SZT2: variants seen among roughly 807,000 people sequenced by gnomAD.
The protein encoded by SZT2 is SZT2 subunit of KICSTOR complex, also known as KICSTOR complex protein SZT2.
SZT2 carries 216 observed loss-of-function variants against 404.2 expected under a neutral mutation model. That is an observed-to-expected ratio of 0.53 (90% confidence interval 0.48 to 0.60). The LOEUF (loss-of-function observed/expected upper bound fraction) is 0.60, where lower values mean the gene tolerates loss of function less well. Among genes scored for constraint, SZT2 ranks in the 20% least tolerant of loss-of-function variants. SZT2 has a pLI of 0.00. For synonymous variants in SZT2, 1,693 were observed against 1,749.9 expected (o/e 0.97, Z 0.81); for missense variants, 3,857 against 4,459.2 (o/e 0.86, Z 3.85).
Position 43,437,877 on chromosome 1 carries a change from G to A in SZT2, c.6483G>A (p.Leu2161=). 6.2e-7 allele frequency: 1 copy of A among 1,614,210 alleles called. No individual in the cohort carries two copies. Among genetic ancestry groups the A allele is most frequent in the Non-Finnish European group, 8.5e-7 (1 of 1,180,038 alleles). ...PVGQVDRHIQ[L]LVHGVGQAGP... ...GCCAAGTGGACAGACATATCCAGCT[G>A]CTGGTCCATGGTGTTGGGCAGGCAG... Residue 2161 remains leucine (L), a synonymous_variant, in exon 46 of 72, where the codon CTG becomes CTA. Coordinates refer to ENST00000634258, the MANE Select transcript of SZT2 (RefSeq NM_001365999.1). The surrounding 1 kb of genome is among the most constrained non-coding windows in gnomAD (Gnocchi z 5.3).
Position 43,426,003 on chromosome 1 carries a change from G to A in SZT2, c.2930-35G>A, listed in dbSNP as rs374341643. ...AGCAGGGGAGTGGGTAGGGTAATCT[G>A]CGTCTCACTGTGTCCTGTCCTTCCT... On this transcript the variant is annotated intron_variant, in intron 20 of 71. Transcript: ENST00000634258. The surrounding 1 kb of genome is among the most constrained non-coding windows in gnomAD (Gnocchi z 4.9). 3 of 1,613,290 alleles carry A rather than the reference G, an allele frequency of 1.9e-6. No homozygotes were observed. Among genetic ancestry groups the A allele is most frequent in the African/African-American group, 2.7e-5 (2 of 74,896 alleles).
Position 43,427,290 on chromosome 1 carries a change from G to A in SZT2, c.3443G>A (p.Arg1148His), listed in dbSNP as rs142611359. 105 of 1,609,968 alleles carry A rather than the reference G, an allele frequency of 6.5e-5. No homozygotes were observed. The highest frequency in any genetic ancestry group is 3.3e-4 in the African/African-American group (25 of 74,884). The change falls in exon 25 of 72, where the codon CGT becomes CAT. Residue 1148 changes from arginine to histidine, a missense_variant. This residue lies in a region of SZT2 where 1,725 missense variants were observed against 1,881.0 expected (regional missense o/e 0.92). Coordinates refer to ENST00000634258, the MANE Select transcript of SZT2 (RefSeq NM_001365999.1). Reference protein sequence around the residue: ...FLPATFSDVQRLAACGLEGPP... With the variant: ...FLPATFSDVQHLAACGLEGPP... Reference sequence around the variant, plus strand: ...GTCTGATCCTCTTCAGATGTCCAGCGTCTGGCTGCCTGTGGCCTGGAGGGA... The same window carrying A: ...GTCTGATCCTCTTCAGATGTCCAGCATCTGGCTGCCTGTGGCCTGGAGGGA...
At chr1:43,447,480 C>A in intron 66 of SZT2, 65 bp from the exon 67 acceptor site, 1 of 1,570,338 alleles carries the variant, frequency 6.4e-7, no homozygotes, top group Non-Finnish European at 8.7e-7. Flanking sequence ...CATCCCTGTG[C>A]CCCACCAGAC....
In SZT2 at chr1:43,404,505, A is replaced by G; in HGVS notation, c.453A>G (p.Val151=). ...SCIDFQPEIY[V]TIQAYSSIIG... Reference sequence around the variant, plus strand: ...TCGACTTCCAGCCTGAGATCTATGTAACTATCCAGGCCTACTCCTCCATCA... The same window carrying G: ...TCGACTTCCAGCCTGAGATCTATGTGACTATCCAGGCCTACTCCTCCATCA... Residue 151 remains valine, a synonymous_variant, in exon 4 of 72, where the codon GTA becomes GTG. Transcript: ENST00000634258. 1 of 1,613,948 alleles carries G rather than the reference A, an allele frequency of 6.2e-7. No homozygotes were observed. Among genetic ancestry groups the G allele is most frequent in the Non-Finnish European group, 8.5e-7 (1 of 1,180,006 alleles).
rs776182115 is a variant in SZT2 at position 43,442,053 on chromosome 1, C to G, written c.7796C>G (p.Ser2599Cys). Reference protein sequence around the residue: ...GPCSPGQLGPSPRPAAERHLL... With the variant: ...GPCSPGQLGPCPRPAAERHLL... ...TGTTCCCCTGGGCAACTGGGCCCCTCTCCCCGCCCTGCAGCTGAGCGGCAT... is the reference window on the plus strand; with the variant it reads ...TGTTCCCCTGGGCAACTGGGCCCCTGTCCCCGCCCTGCAGCTGAGCGGCAT... The change falls in exon 56 of 72, where the codon TCT becomes TGT. Residue 2599 changes from serine (S) to cysteine (C), a missense_variant. Ser to Cys is a moderately radical substitution (Grantham distance 112). Coordinates refer to ENST00000634258, the MANE Select transcript of SZT2 (RefSeq NM_001365999.1). The surrounding 1 kb of genome is among the most constrained non-coding windows in gnomAD (Gnocchi z 4.5). 6 of 1,614,016 alleles carry G rather than the reference C, an allele frequency of 3.7e-6. No homozygotes were observed. In the African/African-American group the frequency reaches 5.3e-5, roughly 14 times the overall value.
rs756001755 is a variant in SZT2 at position 43,443,783 on chromosome 1, T to A, written c.8812T>A (p.Ser2938Thr). The A allele has an allele frequency of 1.2e-6, 2 of 1,613,572 alleles. No individual in the cohort carries two copies. The highest frequency in any genetic ancestry group is 3.3e-5 in the Admixed American group (2 of 60,018). ...TGTGCTGGTACCACTGCGGCCCCCC[T>A]CACCCGCCCGCAGGTGAGCCCGTCC... ...GFVLVPLRPPSPARSTSRPRA... is the reference protein window; with the variant it reads ...GFVLVPLRPPTPARSTSRPRA... Residue 2938 changes from serine (S) to threonine (T), a missense_variant, in exon 62 of 72, where the codon TCA becomes ACA. Ser to Thr is a moderately conservative substitution (Grantham distance 58). This residue lies in a region of SZT2 where 717 missense variants were observed against 868.2 expected (regional missense o/e 0.83). Transcript: ENST00000634258.
At chr1:43,438,605 C>T in intron 46 of SZT2, 94 bp from the exon 47 acceptor site, 1 of 1,191,262 alleles carries the variant, frequency 8.4e-7, no homozygotes, top group Non-Finnish European at 1.2e-6. Context: ...CTCTAGTATA[C>T]AGGGGATTCT....
chr1:43,452,552 T>C lies in SZT2; in HGVS notation c.*2072T>C. On this transcript the variant is annotated 3_prime_UTR_variant, in exon 72 of 72. Coordinates refer to ENST00000634258, the MANE Select transcript of SZT2 (RefSeq NM_001365999.1). ...CCACCGCCTCCTGCCTCCAGTACTT[T>C]CCAAAACCTTTCCTTCCCTCGGTCC... The C allele has an allele frequency of 1.6e-6, 1 of 629,172 alleles. No homozygotes were observed. Among genetic ancestry groups the C allele is most frequent in the East Asian group, 2.8e-5 (1 of 36,158 alleles). 39.0% of individuals were successfully genotyped at this position (629,172 alleles called of 1,614,324 possible). A position where few individuals can be genotyped will look rare whatever the true frequency, so the allele number is the denominator to read the frequency against.
chr1:43,421,131 C>T (rs1330133210), intron 10 of SZT2, 43 bp from the exon 11 acceptor site: 2 of 1,597,336 alleles, frequency 1.3e-6, no homozygotes, highest in East Asian at 2.2e-5. Flanking sequence ...CATCTGCACC[C>T]AGCAGAGTCA....
chr1:43,394,819 C>T (rs915586010), intron 1 of SZT2, among the ~76,000 whole-genome samples: 13 of 149,850 alleles, frequency 8.7e-5, no homozygotes, highest in African/African-American at 3.0e-4. Flanking sequence ...GTGGAGGTTG[C>T]GGTGAGCCGA....
chr1:43,426,576 C>T lies in SZT2; in HGVS notation c.3214+38C>T. Reference sequence around the variant, plus strand: ...CATCCTCCTGACACCAGACCCTGGCCCAGCCCTTTTCCCCCACCCTCACAG... The same window carrying T: ...CATCCTCCTGACACCAGACCCTGGCTCAGCCCTTTTCCCCCACCCTCACAG... On this transcript the variant is annotated intron_variant, in intron 22 of 71. Transcript: ENST00000634258. The surrounding 1 kb of genome is among the most constrained non-coding windows in gnomAD (Gnocchi z 4.9). 6.6e-7 allele frequency: 1 copy of T among 1,522,200 alleles called. No individual in the cohort carries two copies. The highest frequency in any genetic ancestry group is 1.4e-5 in the African/African-American group (1 of 73,046). The allele number at this position is 1,522,200 out of a possible 1,614,324, so 94.3% of individuals were successfully genotyped here. A position where few individuals can be genotyped will look rare whatever the true frequency, so the allele number is the denominator to read the frequency against.
rs1433046971 is a variant in SZT2, at chr1:43,447,566, C to T, written c.9308C>T (p.Pro3103Leu). The change falls in exon 67 of 72, where the codon CCA becomes CTA. Residue 3103 changes from proline to leucine, a missense_variant. Transcript: ENST00000634258. Reference protein sequence around the residue: ...IYQGTLELPTPLIAAHQLYNY... With the variant: ...IYQGTLELPTLLIAAHQLYNY... Reference sequence around the variant, plus strand: ...TCAGGGACATTGGAGCTCCCCACACCACTCATTGCTGCCCACCAGCTATAC... The same window carrying T: ...TCAGGGACATTGGAGCTCCCCACACTACTCATTGCTGCCCACCAGCTATAC... 2 of 1,614,114 alleles carry T rather than the reference C, an allele frequency of 1.2e-6. No individual in the cohort carries two copies. Among genetic ancestry groups the T allele is most frequent in the South Asian group, 1.1e-5 (1 of 91,064 alleles).
At position 43,424,663 on chromosome 1, in the gene SZT2, C is replaced by T. The variant is rs534942015; in HGVS notation, c.2472-121C>T. 4.2e-5 allele frequency: 39 copies of T among 933,294 alleles called. 1 individual carries two copies. In the South Asian group the frequency reaches 6.0e-4, roughly 14 times the overall value. 57.8% of individuals were successfully genotyped at this position (933,294 alleles called of 1,614,324 possible). A position where few individuals can be genotyped will look rare whatever the true frequency, so the allele number is the denominator to read the frequency against. ...TGAGGGACCGCCAGTCTAAGCAGGG[C>T]CAGCAGCAGACTTGGCTCCTTGAGG... On this transcript the variant is annotated intron_variant, in intron 16 of 71. Coordinates refer to ENST00000634258, the MANE Select transcript of SZT2 (RefSeq NM_001365999.1). The surrounding 1 kb of genome is among the most constrained non-coding windows in gnomAD (Gnocchi z 4.1).
Position 43,442,740 on chromosome 1 carries a change from C to G in SZT2, c.8152-79C>G, listed in dbSNP as rs527690362. The G allele has an allele frequency of 2.0e-6, 3 of 1,537,040 alleles. No homozygotes were observed. The South Asian group carries it at 3.8e-5, about 19-fold the overall frequency. Reference sequence around the variant, plus strand: ...GGCAGAGGTAGTGGGGAGGGAGAGTCTGAGAGAGGAAGCCCTGGGATGAGA... The same window carrying G: ...GGCAGAGGTAGTGGGGAGGGAGAGTGTGAGAGAGGAAGCCCTGGGATGAGA... On this transcript the variant is annotated intron_variant, in intron 58 of 71. Coordinates refer to ENST00000634258, the MANE Select transcript of SZT2 (RefSeq NM_001365999.1). This position sits in a 1 kb window ranked among gnomAD's most constrained non-coding sequence, Gnocchi z 4.5.
At chr1:43,444,025 C>T (rs1056046755) in intron 62 of SZT2, among the ~76,000 whole-genome samples, 1 of 152,222 alleles carries the variant, frequency 6.6e-6, no homozygotes, top group Non-Finnish European at 1.5e-5. Flanking sequence ...GACACTCATA[C>T]AAAACTGTGT....
In SZT2 at chr1:43,451,745, A is replaced by ACCCCGCAGG; in HGVS notation, c.*1272_*1280dup. The ACCCCGCAGG allele has an allele frequency of 6.2e-7, 1 of 1,613,094 alleles. No homozygotes were observed. ...AGGGAAGAGGATACTACATTCCGAG[A>ACCCCGCAGG]CCCCGCAGGCCCCGCCCTCCTTCCG... On this transcript the variant is annotated 3_prime_UTR_variant, in exon 72 of 72. Transcript: ENST00000634258.
At chr1:43,402,793 C>T (rs1231968143) in intron 1 of SZT2, among the ~76,000 whole-genome samples, 3 of 152,170 alleles carry the variant, frequency 2.0e-5, no homozygotes, top group African/African-American at 4.8e-5. Context: ...GTCTGGCATT[C>T]GTGTAATGTA....
chr1:43,426,248 A>C lies in SZT2; in HGVS notation c.3043+97A>C. On this transcript the variant is annotated intron_variant, in intron 21 of 71. Coordinates refer to ENST00000634258, the MANE Select transcript of SZT2 (RefSeq NM_001365999.1). The surrounding 1 kb of genome is among the most constrained non-coding windows in gnomAD (Gnocchi z 4.9). ...AACAGATGGGTCAGCAAGTGAGCAG[A>C]TGAGTGGTGGGGGCAGGAGGAGCCC... The C allele has an allele frequency of 6.6e-7, 1 of 1,506,146 alleles. No individual in the cohort carries two copies. Among genetic ancestry groups the C allele is most frequent in the Non-Finnish European group, 9.0e-7 (1 of 1,114,872 alleles). 93.3% of individuals were successfully genotyped at this position (1,506,146 alleles called of 1,614,324 possible). A position where few individuals can be genotyped will look rare whatever the true frequency, so the allele number is the denominator to read the frequency against.
rs1655658284 is a variant in SZT2 at position 43,446,266 on chromosome 1, A to G, written c.8997+7A>G. The G allele has an allele frequency of 6.2e-7, 1 of 1,614,134 alleles. No homozygotes were observed. Among genetic ancestry groups the G allele is most frequent in the African/African-American group, 1.3e-5 (1 of 74,942 alleles). On this transcript the variant is annotated splice_region_variant and intron_variant, in intron 64 of 71. Transcript: ENST00000634258. ...CATGGAACTGGCATTCCAGGTAAGCAGGAGGAGCACTGAGTGGAGACAGCC... is the reference window on the plus strand; with the variant it reads ...CATGGAACTGGCATTCCAGGTAAGCGGGAGGAGCACTGAGTGGAGACAGCC...
Sources: gnomAD v4.1 joint callset for allele counts (sites outside exome capture counted in the v4.1 genomes callset) on GRCh38, gnomAD v4.1.1 for gene constraint, gnomAD v4.1.1 regional missense constraint, Gnocchi (gnomAD v3.1) non-coding constraint, MANE v1.5 for transcripts, NCBI Gene and HGNC (gene_info 2026-07-23, HGNC 2026-07-21) for gene names.